DMRTA2: variants seen among roughly 807,000 people sequenced by gnomAD.
DMRTA2 encodes doublesex- and mab-3-related transcription factor A2.
A neutral mutation model predicts 29.7 loss-of-function variants in DMRTA2; 10 were observed. The observed-to-expected ratio is 0.34, with a 90% CI of 0.21 to 0.57. The LOEUF is 0.57. Ranked by LOEUF, DMRTA2 falls within the 20% of genes least tolerant of loss-of-function variation. The pLI, the probability that DMRTA2 is intolerant of heterozygous loss-of-function variation, is 0.87. For synonymous variants in DMRTA2, 469 were observed against 402.6 expected, an observed-to-expected ratio of 1.16 and a Z score of -1.97; for missense variants, 783 against 812.1, an observed-to-expected ratio of 0.96 and a Z score of 0.44.
rs1161612408 is a variant in DMRTA2, at chr1:50,419,311, C to T, written c.983G>A (p.Arg328Gln). The part of the protein sequence containing the change: ...DILTRVFPGH[R>Q]RGVLELVLQG... ...CAACACCAGCTCCAGGACGCCTCGC[C>T]GGTGGCCTGGGAACACGCGTGTCAA... Residue 328 changes from arginine (R) to glutamine (Q), a missense_variant, in exon 3 of 3, where the codon CGG becomes CAG. By Grantham distance (43) the Arg-to-Gln change is conservative (BLOSUM62 1). This residue lies in a region of DMRTA2 where 667 missense variants were observed against 624.8 expected (regional missense o/e 1.07). Transcript: ENST00000404795. The surrounding 1 kb of genome is among the most constrained non-coding windows in gnomAD (Gnocchi z 6.1). The T allele has an allele frequency of 3.8e-6, 6 of 1,596,100 alleles. No homozygotes were observed. The highest frequency in any genetic ancestry group is 5.1e-6 in the Non-Finnish European group (6 of 1,178,858).
In DMRTA2 at chr1:50,421,336, G is replaced by A. The variant is rs1231952783; in HGVS notation, c.201C>T (p.Thr67=). The change falls in exon 2 of 3, where the codon ACC becomes ACT. Residue 67 remains threonine (T), a synonymous_variant. Coordinates refer to ENST00000404795, the MANE Select transcript of DMRTA2 (RefSeq NM_032110.3). The surrounding 1 kb of genome is among the most constrained non-coding windows in gnomAD (Gnocchi z 8.7). ...LLRAAEKYPR[T]PKCARCRNHG... The stretch of plus-strand genomic sequence containing the variant: ...GGTTGCGACAGCGCGCGCACTTGGG[G>A]GTCCGCGGGTACTTCTCGGCTGCCC... The A allele has an allele frequency of 2.0e-6, 3 of 1,527,300 alleles. No individual in the cohort carries two copies. Among genetic ancestry groups the A allele is most frequent in the Middle Eastern group, 1.7e-4 (1 of 5,908 alleles). The allele number at this position is 1,527,300 out of a possible 1,614,324, so 94.6% of individuals were successfully genotyped here.
In DMRTA2 at chr1:50,421,337, G is replaced by T; in HGVS notation, c.200C>A (p.Thr67Asn). The stretch of plus-strand genomic sequence containing the variant: ...GTTGCGACAGCGCGCGCACTTGGGG[G>T]TCCGCGGGTACTTCTCGGCTGCCCG... ...LLRAAEKYPRTPKCARCRNHG... is the reference protein window; with the variant it reads ...LLRAAEKYPRNPKCARCRNHG... Residue 67 changes from threonine to asparagine, a missense_variant, in exon 2 of 3, where the codon ACC (threonine) becomes AAC (asparagine). Physicochemically the swap from Thr to Asn is moderately conservative, Grantham distance 65. Around this residue, in one of 3 missense-constraint regions of DMRTA2, gnomAD observed 76 missense variants for 152.6 expected, o/e 0.50. Coordinates refer to ENST00000404795, the MANE Select transcript of DMRTA2 (RefSeq NM_032110.3). This position sits in a 1 kb window ranked among gnomAD's most constrained non-coding sequence, Gnocchi z 8.7. The T allele has an allele frequency of 2.0e-6, 3 of 1,527,010 alleles. No individual in the cohort carries two copies. Among genetic ancestry groups the T allele is most frequent in the Non-Finnish European group, 2.6e-6 (3 of 1,136,964 alleles). The allele number at this position is 1,527,010 out of a possible 1,614,324, so 94.6% of individuals were successfully genotyped here. A position where few individuals can be genotyped will look rare whatever the true frequency, so the allele number is the denominator to read the frequency against.
At position 50,420,483 on chromosome 1, in the gene DMRTA2, G is replaced by T. The variant is rs947637929; in HGVS notation, c.559+495C>A. ...TAGAAGGAGGGAGGGCGCAGCAAGC[G>T]GTTGTCCAGAGGGCGTTAGGAACGC... is the stretch of plus-strand genomic sequence containing the variant. On this transcript the variant is annotated intron_variant, in intron 2 of 2. Transcript: ENST00000404795. This position sits in a 1 kb window ranked among gnomAD's most constrained non-coding sequence, Gnocchi z 4.1. 4.0e-5 allele frequency among the ~76,000 whole-genome samples: 6 copies of T among 148,220 alleles called. No individual in the cohort carries two copies. The highest frequency in any genetic ancestry group is 1.1e-4 in the African/African-American group (4 of 37,848).
chr1:50,421,527 G>A lies in DMRTA2; in HGVS notation c.10C>T (p.Arg4Cys). The change falls in exon 2 of 3, where the codon CGC becomes TGC. Residue 4 changes from arginine to cysteine, a missense_variant. Arg to Cys is a radical substitution (Grantham distance 180, BLOSUM62 -3). Coordinates refer to ENST00000404795, the MANE Select transcript of DMRTA2 (RefSeq NM_032110.3). The surrounding 1 kb of genome is among the most constrained non-coding windows in gnomAD (Gnocchi z 8.7). MELRSELPSVPGAA... is the reference protein window; with the variant it reads MELCSELPSVPGAA... ...CCGGGCACGCTGGGCAGCTCCGAGC[G>A]CAGCTCCATGACAGGACCTGACGGG... 7.9e-7 allele frequency: 1 copy of A among 1,259,434 alleles called. No homozygotes were observed. Among genetic ancestry groups the A allele is most frequent in the South Asian group, 3.4e-5 (1 of 29,162 alleles). 78.0% of individuals were successfully genotyped at this position (1,259,434 alleles called of 1,614,324 possible).
chr1:50,421,550 G>A lies in DMRTA2; in HGVS notation c.-8-6C>T. 8.0e-7 allele frequency: 1 copy of A among 1,243,706 alleles called. No individual in the cohort carries two copies. Among genetic ancestry groups the A allele is most frequent in the East Asian group, 3.2e-5 (1 of 31,462 alleles). 77.0% of individuals were successfully genotyped at this position (1,243,706 alleles called of 1,614,324 possible). The stretch of plus-strand genomic sequence containing the variant: ...GCGCAGCTCCATGACAGGACCTGAC[G>A]GGAAAGAAGGTGGGAGAGGGGAGAG... On this transcript the variant is annotated splice_region_variant and splice_polypyrimidine_tract_variant and intron_variant, in intron 1 of 2. Coordinates refer to ENST00000404795, the MANE Select transcript of DMRTA2 (RefSeq NM_032110.3). This position sits in a 1 kb window ranked among gnomAD's most constrained non-coding sequence, Gnocchi z 8.7.
Position 50,420,875 on chromosome 1 carries a change from G to A in DMRTA2, c.559+103C>T. On this transcript the variant is annotated intron_variant, in intron 2 of 2. Coordinates refer to ENST00000404795, the MANE Select transcript of DMRTA2 (RefSeq NM_032110.3). This position sits in a 1 kb window ranked among gnomAD's most constrained non-coding sequence, Gnocchi z 4.1. ...TGAACCCTAGCAGTCGCGGCGACTG[G>A]ACACGGGGGTTCTACTCTTTCTGAA... The A allele has an allele frequency of 7.3e-7, 1 of 1,369,910 alleles. No individual in the cohort carries two copies. Among genetic ancestry groups the A allele is most frequent in the African/African-American group, 1.5e-5 (1 of 65,088 alleles). The allele number at this position is 1,369,910 out of a possible 1,614,324, so 84.9% of individuals were successfully genotyped here.
Position 50,419,106 on chromosome 1 carries a change from G to GCGGCA in DMRTA2, c.1187_1188insTGCCG (p.Gly398AlafsTer37). The stretch of plus-strand genomic sequence containing the variant: ...GCGCAGGCAGCCCAGGCCCCCCGGC[G>GCGGCA]GCGGCGGCGGCGGCGGCGGCGGCGT... On this transcript the variant is annotated frameshift_variant, in exon 3 of 3. Transcript: ENST00000404795. LOFTEE classifies it high-confidence loss of function. The surrounding 1 kb of genome is among the most constrained non-coding windows in gnomAD (Gnocchi z 6.1). 2 of 1,112,524 alleles carry GCGGCA rather than the reference G, an allele frequency of 1.8e-6. No homozygotes were observed. Among genetic ancestry groups the GCGGCA allele is most frequent in the East Asian group, 4.4e-5 (1 of 22,784 alleles). The allele number at this position is 1,112,524 out of a possible 1,614,324, so 68.9% of individuals were successfully genotyped here. A position where few individuals can be genotyped will look rare whatever the true frequency, so the allele number is the denominator to read the frequency against.
Position 50,419,295 on chromosome 1 carries a change from C to T in DMRTA2, c.999G>A (p.Glu333=). 6.3e-7 allele frequency: 1 copy of T among 1,595,430 alleles called. No homozygotes were observed. Among genetic ancestry groups the T allele is most frequent in the Non-Finnish European group, 8.5e-7 (1 of 1,178,602 alleles). ...VFPGHRRGVL[E]LVLQGCGGDV... ...CGCCGCCGCAGCCCTGCAACACCAG[C>T]TCCAGGACGCCTCGCCGGTGGCCTG... The change falls in exon 3 of 3, where the codon GAG becomes GAA. Residue 333 remains glutamate (E), a synonymous_variant. Transcript: ENST00000404795. The surrounding 1 kb of genome is among the most constrained non-coding windows in gnomAD (Gnocchi z 6.1).
Position 50,419,398 on chromosome 1 carries a change from G to A in DMRTA2, c.896C>T (p.Ala299Val), listed in dbSNP as rs1646018373. The change falls in exon 3 of 3, where the codon GCC (alanine) becomes GTC (valine). Residue 299 changes from alanine (A) to valine (V), a missense_variant. Around this residue, in one of 3 missense-constraint regions of DMRTA2, gnomAD observed 667 missense variants for 624.8 expected, o/e 1.07. Coordinates refer to ENST00000404795, the MANE Select transcript of DMRTA2 (RefSeq NM_032110.3). The surrounding 1 kb of genome is among the most constrained non-coding windows in gnomAD (Gnocchi z 6.1). ...GSEADKEEGE[A>V]APAPGLGGGS... ...TCCGCCCAGCCCTGGCGCCGGCGCG[G>A]CCTCACCCTCTTCTTTGTCAGCCTC... The A allele has an allele frequency of 6.3e-7, 1 of 1,597,158 alleles. No individual in the cohort carries two copies. The highest frequency in any genetic ancestry group is 8.5e-7 in the Non-Finnish European group (1 of 1,179,056).
Position 50,419,473 on chromosome 1 carries a change from TCGC to T in DMRTA2, c.818_820del (p.Gly273del), listed in dbSNP as rs770021463. 1.3e-6 allele frequency: 2 copies of T among 1,594,674 alleles called. No individual in the cohort carries two copies. The highest frequency in any genetic ancestry group is 1.4e-5 in the African/African-American group (1 of 74,040). On this transcript the variant is annotated inframe_deletion, in exon 3 of 3. Transcript: ENST00000404795. This position sits in a 1 kb window ranked among gnomAD's most constrained non-coding sequence, Gnocchi z 6.1. ...GCTAGCGGAGCCCGGGCTGTCCTCC[TCGC>T]CGCCGCCGCCAGGGCCAGCGCTGCC...
In DMRTA2 at chr1:50,419,033, C is replaced by A; in HGVS notation, c.1261G>T (p.Ala421Ser). 7.2e-7 allele frequency: 1 copy of A among 1,384,560 alleles called. No homozygotes were observed. Among genetic ancestry groups the A allele is most frequent in the Non-Finnish European group, 9.3e-7 (1 of 1,075,126 alleles). The allele number at this position is 1,384,560 out of a possible 1,614,324, so 85.8% of individuals were successfully genotyped here. A position where few individuals can be genotyped will look rare whatever the true frequency, so the allele number is the denominator to read the frequency against. The part of the protein sequence containing the change: ...AAPPHHRPLL[A>S]GAMAPGALGS... ...AGCGCCCCAGGCGCCATGGCGCCGG[C>A]CAGCAAGGGTCTGTGGTGCGGAGGT... The change falls in exon 3 of 3, where the codon GCC becomes TCC. Residue 421 changes from alanine (A) to serine (S), a missense_variant. Ala to Ser is a moderately conservative substitution (Grantham distance 99). Coordinates refer to ENST00000404795, the MANE Select transcript of DMRTA2 (RefSeq NM_032110.3). The surrounding 1 kb of genome is among the most constrained non-coding windows in gnomAD (Gnocchi z 6.1).
rs1278766397 is a variant in DMRTA2 at position 50,421,503 on chromosome 1, C to T, written c.34G>A (p.Gly12Ser). ...ELRSELPSVP[G>S]AATAAAATAT... ...GTTGCCGCCGCCGCCGTCGCCGCGC[C>T]GGGCACGCTGGGCAGCTCCGAGCGC... Residue 12 changes from glycine to serine, a missense_variant, in exon 2 of 3, where the codon GGC becomes AGC. Physicochemically the swap from Gly to Ser is moderately conservative, Grantham distance 56 (BLOSUM62 0). This residue lies in a region of DMRTA2 where 40 missense variants were observed against 34.7 expected (regional missense o/e 1.15). Transcript: ENST00000404795. The surrounding 1 kb of genome is among the most constrained non-coding windows in gnomAD (Gnocchi z 8.7). 9.4e-6 allele frequency: 12 copies of T among 1,272,264 alleles called. No individual in the cohort carries two copies. Among genetic ancestry groups the T allele is most frequent in the Non-Finnish European group, 1.1e-5 (11 of 1,015,668 alleles). 78.8% of individuals were successfully genotyped at this position (1,272,264 alleles called of 1,614,324 possible). A position where few individuals can be genotyped will look rare whatever the true frequency, so the allele number is the denominator to read the frequency against.
Position 50,418,697 on chromosome 1 carries a change from G to A in DMRTA2, c.1597C>T (p.Pro533Ser). 6.7e-7 allele frequency: 1 copy of A among 1,483,386 alleles called. No homozygotes were observed. The highest frequency in any genetic ancestry group is 8.9e-7 in the Non-Finnish European group (1 of 1,121,988). The allele number at this position is 1,483,386 out of a possible 1,614,324, so 91.9% of individuals were successfully genotyped here. ...EPTYGGGLYG[P>S]MVNGAPEKQ ...TTCTCCGGAGCGCCGTTGACCATAGGCCCGTACAGGCCGCCGCCGTAGGTC... is the reference window on the plus strand; with the variant it reads ...TTCTCCGGAGCGCCGTTGACCATAGACCCGTACAGGCCGCCGCCGTAGGTC... Residue 533 changes from proline (P) to serine (S), a missense_variant, in exon 3 of 3, where the codon CCT becomes TCT. By Grantham distance (74) the Pro-to-Ser change is moderately conservative (BLOSUM62 -1). Coordinates refer to ENST00000404795, the MANE Select transcript of DMRTA2 (RefSeq NM_032110.3).
rs1353374454 is a variant in DMRTA2 at position 50,421,452 on chromosome 1, C to T, written c.85G>A (p.Val29Met). 9.0e-6 allele frequency: 12 copies of T among 1,326,844 alleles called. No homozygotes were observed. Among genetic ancestry groups the T allele is most frequent in the African/African-American group, 1.5e-5 (1 of 65,034 alleles). 82.2% of individuals were successfully genotyped at this position (1,326,844 alleles called of 1,614,324 possible). A position where few individuals can be genotyped will look rare whatever the true frequency, so the allele number is the denominator to read the frequency against. ...GCCGCGGCTGCCGCCACCGACGCCA[C>T]CGACGCCACAGGCGGCCCCGTCGCT... ...ATATGPPVASVASVAAAAAAA... is the reference protein window; with the variant it reads ...ATATGPPVASMASVAAAAAAA... The change falls in exon 2 of 3, where the codon GTG becomes ATG. Residue 29 changes from valine (V) to methionine (M), a missense_variant. This residue lies in a region of DMRTA2 where 76 missense variants were observed against 152.6 expected (regional missense o/e 0.50). Transcript: ENST00000404795. This position sits in a 1 kb window ranked among gnomAD's most constrained non-coding sequence, Gnocchi z 8.7.
At position 50,419,367 on chromosome 1, in the gene DMRTA2, C is replaced by T; in HGVS notation, c.927G>A (p.Ser309=). 2 of 1,596,790 alleles carry T rather than the reference C, an allele frequency of 1.3e-6. No individual in the cohort carries two copies. Among genetic ancestry groups the T allele is most frequent in the Non-Finnish European group, 1.7e-6 (2 of 1,179,020 alleles). The change falls in exon 3 of 3, where the codon TCG becomes TCA. Residue 309 remains serine (S), a synonymous_variant. Transcript: ENST00000404795. This position sits in a 1 kb window ranked among gnomAD's most constrained non-coding sequence, Gnocchi z 6.1. ...AAPAPGLGGG[S]GPRQRTPLDI... ...CCAGCGGCGTCCGCTGCCGTGGACC[C>T]GAGCCTCCGCCCAGCCCTGGCGCCG...
At position 50,418,742 on chromosome 1, in the gene DMRTA2, C is replaced by T. The variant is rs921402147; in HGVS notation, c.1552G>A (p.Ala518Thr). Reference protein sequence around the residue: ...LMRDRSAAAAAAVHKEPTYGG... With the variant: ...LMRDRSAAAATAVHKEPTYGG... ...TAGGTCGGCTCCTTGTGCACCGCCG[C>T]AGCAGCGGCGGCCGAGCGGTCACGC... The change falls in exon 3 of 3, where the codon GCG (alanine) becomes ACG (threonine). Residue 518 changes from alanine to threonine, a missense_variant. Transcript: ENST00000404795. The T allele has an allele frequency of 1.3e-6, 2 of 1,558,550 alleles. No homozygotes were observed. The highest frequency in any genetic ancestry group is 2.4e-5 in the South Asian group (2 of 83,704).
Position 50,419,122 on chromosome 1 carries a change from GCGGCGGCGT to G in DMRTA2, c.1163_1171del (p.Asp388_Ala390del). ...CCCCCCGGCGGCGGCGGCGGCGGCG[GCGGCGGCGT>G]CGACGCGGCTGGGCCACGCGTCGTC... On this transcript the variant is annotated inframe_deletion, in exon 3 of 3. Transcript: ENST00000404795. The surrounding 1 kb of genome is among the most constrained non-coding windows in gnomAD (Gnocchi z 6.1). 8.4e-7 allele frequency: 1 copy of G among 1,194,936 alleles called. No homozygotes were observed. Among genetic ancestry groups the G allele is most frequent in the East Asian group, 3.6e-5 (1 of 27,398 alleles). The allele number at this position is 1,194,936 out of a possible 1,614,324, so 74.0% of individuals were successfully genotyped here.
At position 50,418,747 on chromosome 1, in the gene DMRTA2, G is replaced by C. The variant is rs1349675963; in HGVS notation, c.1547C>G (p.Ala516Gly). 1.3e-6 allele frequency: 2 copies of C among 1,562,908 alleles called. No homozygotes were observed. Among genetic ancestry groups the C allele is most frequent in the Non-Finnish European group, 1.7e-6 (2 of 1,158,632 alleles). Residue 516 changes from alanine to glycine, a missense_variant, in exon 3 of 3, where the codon GCT (alanine) becomes GGT (glycine). Coordinates refer to ENST00000404795, the MANE Select transcript of DMRTA2 (RefSeq NM_032110.3). Reference protein sequence around the residue: ...SDLMRDRSAAAAAAVHKEPTY... With the variant: ...SDLMRDRSAAGAAAVHKEPTY... ...CGGCTCCTTGTGCACCGCCGCAGCA[G>C]CGGCGGCCGAGCGGTCACGCATGAG...
At position 50,417,672 on chromosome 1, in the gene DMRTA2, G is replaced by A. The variant is rs1354300240; in HGVS notation, c.*993C>T. The A allele has an allele frequency of 6.6e-6, 1 of 152,278 alleles. No individual in the cohort carries two copies. The highest frequency in any genetic ancestry group is 1.5e-5 in the Non-Finnish European group (1 of 68,076). The allele number at this position is 152,278 out of a possible 1,614,324, so 9.4% of individuals were successfully genotyped here. ...TCAGTCAGGGCGTTTGGCGAGTCCC[G>A]GGAGGCGAGGATGGGCCCGCGAGCG... On this transcript the variant is annotated 3_prime_UTR_variant, in exon 3 of 3. Coordinates refer to ENST00000404795, the MANE Select transcript of DMRTA2 (RefSeq NM_032110.3).
Sources: allele counts gnomAD v4.1 joint callset (sites outside exome capture counted in the v4.1 genomes callset), GRCh38; gene constraint gnomAD v4.1.1; regional missense constraint gnomAD v4.1.1; non-coding constraint Gnocchi (gnomAD v3.1); transcripts MANE v1.5; gene names NCBI Gene and HGNC (gene_info 2026-07-23, HGNC 2026-07-21).